ST8SIA5: variants seen among roughly 807,000 people sequenced by gnomAD.
The protein encoded by ST8SIA5 is ST8 alpha-N-acetyl-neuraminide alpha-2,8-sialyltransferase 5.
ST8SIA5 carries 24 observed loss-of-function variants against 40.2 expected under a neutral mutation model. That is an observed-to-expected ratio of 0.60 (90% CI 0.43 to 0.84). ST8SIA5 has a LOEUF of 0.84. Among genes scored for constraint, ST8SIA5 ranks in the 40% least tolerant of loss-of-function variants. The pLI is 0.00. For missense variants in ST8SIA5, 465 were observed against 498.5 expected (o/e 0.93, Z 0.64); for synonymous variants, 198 against 201.8 (o/e 0.98, Z 0.16).
At chr18:46,738,109 G>A (rs556462170) in intron 1 of ST8SIA5, among the ~76,000 whole-genome samples, 12 of 152,204 alleles carry the variant, frequency 7.9e-5, no homozygotes, top group Admixed American at 7.9e-4. Flanking sequence ...CTTCACCTGT[G>A]GGGAGGAGGG....
chr18:46,706,527 C>T (rs1284793905), intron 1 of ST8SIA5, among the ~76,000 whole-genome samples: 2 of 151,964 alleles, frequency 1.3e-5, no homozygotes, highest in Admixed American at 6.6e-5. Flanking sequence ...GCAAAAACCA[C>T]GATTACTTTT....
chr18:46,683,558 C>T (rs1033486484), intron 5 of ST8SIA5, among the ~76,000 whole-genome samples: 4 of 152,042 alleles, frequency 2.6e-5, no homozygotes, highest in South Asian at 4.2e-4. Context: ...CTATAAGGGA[C>T]GGTGGGCCAT....
intron 1 of ST8SIA5, among the ~76,000 whole-genome samples, chr18:46,723,714 C>A (rs2039886449): frequency 6.6e-6 from 1 of 151,818 alleles, no homozygotes; most frequent in South Asian, 2.1e-4. Flanking sequence ...CTGCCTGAGG[C>A]CAGGAGTTCG....
intron 1 of ST8SIA5, among the ~76,000 whole-genome samples, chr18:46,733,721 G>C (rs1334572753): frequency 2.6e-5 from 4 of 152,122 alleles, no homozygotes; most frequent in African/African-American, 4.8e-5. Flanking sequence ...GGGTGATGAG[G>C]GGCCAGCCCA....
At chr18:46,749,990 G>T (rs1261853845) in intron 1 of ST8SIA5, among the ~76,000 whole-genome samples, 1 of 152,190 alleles carries the variant, frequency 6.6e-6, no homozygotes, top group African/African-American at 2.4e-5. Flanking sequence ...ACCCAACCAT[G>T]CTATCACCTT....
In ST8SIA5 at chr18:46,680,364, G is replaced by T; in HGVS notation, c.809C>A (p.Ser270Ter). The change falls in exon 7 of 7, where the codon TCG (serine) becomes TAG (stop). Residue 270 changes from serine (S) to a stop codon, truncating the protein, a stop_gained. Coordinates refer to ENST00000315087, the MANE Select transcript of ST8SIA5 (RefSeq NM_013305.6). LOFTEE classifies it high-confidence loss of function. ...RVKYVLDDFE[S>*]PQAVYYFHPQ... ...ATGGAAGTAGTAGACAGCTTGCGGC[G>T]ATTCGAAGTCGTCCAGCACGTACTT... 1.2e-6 allele frequency: 2 copies of T among 1,614,126 alleles called. No individual in the cohort carries two copies. The highest frequency in any genetic ancestry group is 1.7e-6 in the Non-Finnish European group (2 of 1,179,984).
intron 2 of ST8SIA5, among the ~76,000 whole-genome samples, chr18:46,695,387 G>A (rs1177564169): frequency 6.6e-6 from 1 of 152,160 alleles, no homozygotes; most frequent in Non-Finnish European, 1.5e-5. Context: ...CTAAGTCTTA[G>A]TTCAGATAGC....
At chr18:46,737,845 A>C (rs1348427758) in intron 1 of ST8SIA5, among the ~76,000 whole-genome samples, 1 of 151,712 alleles carries the variant, frequency 6.6e-6, no homozygotes, top group Non-Finnish European at 1.5e-5. Context: ...ATCTTGGCTC[A>C]CTGCAACCTC....
intron 2 of ST8SIA5, among the ~76,000 whole-genome samples, chr18:46,698,899 A>C (rs1260260184): frequency 6.6e-6 from 1 of 152,208 alleles, no homozygotes; most frequent in Non-Finnish European, 1.5e-5. Flanking sequence ...CAAGGGGAAA[A>C]AGATGGCTAG....
intron 1 of ST8SIA5, among the ~76,000 whole-genome samples, chr18:46,731,436 C>T (rs777413413): frequency 6.6e-5 from 10 of 152,334 alleles, no homozygotes; most frequent in South Asian, 2.1e-4. Context: ...CCATACCCCT[C>T]GGGGAACTAG....
At chr18:46,686,543 C>T (rs538130112) in intron 4 of ST8SIA5, among the ~76,000 whole-genome samples, 103 of 152,328 alleles carry the variant, frequency 6.8e-4, no homozygotes, top group Admixed American at 2.6e-3. Flanking sequence ...TCCTGGCACA[C>T]AGCGGCTGGC....
At position 46,679,824 on chromosome 18, in the gene ST8SIA5, C is replaced by T; in HGVS notation, c.*218G>A. On this transcript the variant is annotated 3_prime_UTR_variant, in exon 7 of 7. Coordinates refer to ENST00000315087, the MANE Select transcript of ST8SIA5 (RefSeq NM_013305.6). Reference sequence around the variant, plus strand: ...AGGTGGACGCACTGGGCGGATGCACCGGTGGGGGCCAGGCCAGGAGGCTCA... The same window carrying T: ...AGGTGGACGCACTGGGCGGATGCACTGGTGGGGGCCAGGCCAGGAGGCTCA... 2 of 586,928 alleles carry T rather than the reference C, an allele frequency of 3.4e-6. No individual in the cohort carries two copies. The highest frequency in any genetic ancestry group is 3.2e-5 in the Admixed American group (1 of 31,742). 36.4% of individuals were successfully genotyped at this position (586,928 alleles called of 1,614,324 possible). A position where few individuals can be genotyped will look rare whatever the true frequency, so the allele number is the denominator to read the frequency against.
At chr18:46,742,827 T>C (rs1288617532) in intron 1 of ST8SIA5, among the ~76,000 whole-genome samples, 1 of 152,156 alleles carries the variant, frequency 6.6e-6, no homozygotes, top group Non-Finnish European at 1.5e-5. Context: ...GACAGACACC[T>C]CATACAGGCG....
intron 1 of ST8SIA5, among the ~76,000 whole-genome samples, chr18:46,709,410 T>C (rs2039700543): frequency 1.3e-5 from 2 of 152,358 alleles, no homozygotes; most frequent in African/African-American, 2.4e-5. Context: ...TAATTTCTCC[T>C]GTTATAATTA....
At position 46,679,655 on chromosome 18, in the gene ST8SIA5, T is replaced by G. The variant is rs1419835925; in HGVS notation, c.*387A>C. The G allele has an allele frequency of 3.7e-6, 1 of 269,260 alleles. No individual in the cohort carries two copies. Among genetic ancestry groups the G allele is most frequent in the Non-Finnish European group, 7.1e-6 (1 of 139,988 alleles). 16.7% of individuals were successfully genotyped at this position (269,260 alleles called of 1,614,324 possible). On this transcript the variant is annotated 3_prime_UTR_variant, in exon 7 of 7. Transcript: ENST00000315087. ...TCTCCACTCTCAATTCCATTCTCTG[T>G]AGGGTCTTCCTTCAGCTGCAACAAG...
intron 2 of ST8SIA5, among the ~76,000 whole-genome samples, chr18:46,699,860 C>T (rs1209963355): frequency 1.3e-5 from 2 of 152,218 alleles, no homozygotes; most frequent in Non-Finnish European, 2.9e-5. Context: ...CTTGTGAACA[C>T]TGCAATGGCA....
At chr18:46,709,297 A>T (rs2039699194) in intron 1 of ST8SIA5, among the ~76,000 whole-genome samples, 1 of 152,210 alleles carries the variant, frequency 6.6e-6, no homozygotes. Context: ...CCATGTGAGG[A>T]TGCAGCAAGA....
intron 2 of ST8SIA5, among the ~76,000 whole-genome samples, chr18:46,696,917 C>T (rs1599109967): frequency 6.6e-6 from 1 of 152,030 alleles, no homozygotes; most frequent in African/African-American, 2.4e-5. Context: ...GCCCAAGTAC[C>T]TAGAGCCAAT....
intron 2 of ST8SIA5, among the ~76,000 whole-genome samples, chr18:46,696,642 T>C (rs2039559563): frequency 6.6e-6 from 1 of 152,218 alleles, no homozygotes; most frequent in African/African-American, 2.4e-5. Context: ...CTTCCAGTCT[T>C]AAAGGTTGTC....
Sources: allele counts gnomAD v4.1 joint callset (sites outside exome capture counted in the v4.1 genomes callset), GRCh38; gene constraint gnomAD v4.1.1; transcripts MANE v1.5; gene names NCBI Gene and HGNC (gene_info 2026-07-23, HGNC 2026-07-21).